Variants in CPED1 observed in about 807,000 individuals in gnomAD.
CPED1 encodes cadherin-like and PC-esterase domain-containing protein 1.
Under a neutral mutation model 128.2 loss-of-function variants are expected in CPED1, and 114 were observed. The ratio of observed to expected loss-of-function variants is 0.89; its 90% confidence interval spans 0.76 to 1.04. The LOEUF is 1.04. CPED1 is among the 50% of genes least tolerant of loss of function. CPED1 has a pLI of 0.00. For missense variants in CPED1, 1,211 were observed against 1,207.1 expected, an observed-to-expected ratio of 1.00 and a Z score of -0.05; for synonymous variants, 462 against 426.7, an observed-to-expected ratio of 1.08 and a Z score of -1.02.
chr7:121,159,737 T>C (rs185703483), intron 16 of CPED1, among the ~76,000 whole-genome samples: 1 of 152,268 alleles, frequency 6.6e-6, no homozygotes, highest in African/African-American at 2.4e-5. Context: ...TATATTACTC[T>C]TGTCTCTCTC....
chr7:121,153,073 C>T (rs1584551784), intron 16 of CPED1, among the ~76,000 whole-genome samples: 1 of 152,102 alleles, frequency 6.6e-6, no homozygotes, highest in Admixed American at 6.5e-5. Context: ...TCAAAGATTC[C>T]ATTTGGTAGA....
intron 4 of CPED1, chr7:121,050,460 G>GTT (rs34017549): frequency 0.69 from 74,894 of 108,406 alleles, 27,102 homozygotes; most frequent in Admixed American, 0.78. Flanking sequence ...GGCAATATAG[G>GTT]TTTTTTTTTT....
intron 18 of CPED1, among the ~76,000 whole-genome samples, chr7:121,265,104 G>A (rs1478840371): frequency 1.3e-5 from 2 of 152,002 alleles, no homozygotes; most frequent in Non-Finnish European, 2.9e-5. Context: ...AGGGTGACAA[G>A]TGGGGTTGCA....
At chr7:121,203,045 C>A (rs1463659520) in intron 16 of CPED1, among the ~76,000 whole-genome samples, 1 of 152,040 alleles carries the variant, frequency 6.6e-6, no homozygotes, top group Non-Finnish European at 1.5e-5. Flanking sequence ...GACTCGCAGC[C>A]CATGATAAAT....
chr7:121,212,303 T>A (rs1037228078), intron 16 of CPED1, among the ~76,000 whole-genome samples: 1 of 151,992 alleles, frequency 6.6e-6, no homozygotes, highest in African/African-American at 2.4e-5. Context: ...CATTCACAGC[T>A]GGGAAGAAAA....
At chr7:121,100,333 T>G (rs1353742759) in intron 7 of CPED1, among the ~76,000 whole-genome samples, 1 of 152,218 alleles carries the variant, frequency 6.6e-6, no homozygotes, top group African/African-American at 2.4e-5. Flanking sequence ...TTCATCATGA[T>G]AGTTCAATTC....
intron 17 of CPED1, among the ~76,000 whole-genome samples, chr7:121,238,851 A>G (rs1048480888): frequency 5.9e-5 from 9 of 151,946 alleles, no homozygotes; most frequent in Non-Finnish European, 1.3e-4. Context: ...GCTTCTCTAG[A>G]GAAGAGATTG....
chr7:121,063,611 G>C (rs1793743838), intron 4 of CPED1, among the ~76,000 whole-genome samples: 1 of 152,172 alleles, frequency 6.6e-6, no homozygotes. Context: ...ATACTGATCT[G>C]TTGGTTTTAA....
At chr7:121,131,098 C>G (rs1036878481) in intron 12 of CPED1, among the ~76,000 whole-genome samples, 1 of 152,112 alleles carries the variant, frequency 6.6e-6, no homozygotes, top group South Asian at 2.1e-4. Flanking sequence ...TCATTTAAGT[C>G]TTTTGCAGTC....
At chr7:121,119,133 A>G (rs1167091513) in intron 7 of CPED1, among the ~76,000 whole-genome samples, 2 of 135,984 alleles carry the variant, frequency 1.5e-5, no homozygotes, top group African/African-American at 2.6e-5. Context: ...TATTTGGAAG[A>G]ACTTTTTTTT....
intron 17 of CPED1, among the ~76,000 whole-genome samples, chr7:121,241,674 T>C (rs1252111541): frequency 2.6e-5 from 4 of 152,156 alleles, no homozygotes; most frequent in African/African-American, 7.2e-5. Flanking sequence ...CCTAAAGGCC[T>C]GTTCACATAT....
At chr7:121,093,355 G>A (rs1345500142) in intron 5 of CPED1, among the ~76,000 whole-genome samples, 1 of 149,670 alleles carries the variant, frequency 6.7e-6, no homozygotes, top group African/African-American at 2.5e-5. Context: ...ACATCTAAAT[G>A]CTCTTATTTG....
At chr7:121,058,456 T>C (rs918932113) in intron 4 of CPED1, among the ~76,000 whole-genome samples, 3 of 152,124 alleles carry the variant, frequency 2.0e-5, no homozygotes, top group Non-Finnish European at 4.4e-5. Flanking sequence ...AAATGACAAA[T>C]AATAATAGCT....
chr7:121,050,608 C>T (rs1159669575), intron 4 of CPED1, among the ~76,000 whole-genome samples: 5 of 151,994 alleles, frequency 3.3e-5, no homozygotes, highest in South Asian at 4.2e-4. Flanking sequence ...GGATTACAGG[C>T]GTCTGCCACC....
chr7:121,292,866 AT>A (rs1792737571), intron 22 of CPED1, among the ~76,000 whole-genome samples: 1 of 152,122 alleles, frequency 6.6e-6, no homozygotes, highest in Non-Finnish European at 1.5e-5. Flanking sequence ...AACAGCAAAG[AT>A]TGCTGCCTGC....
chr7:121,165,277 T>C (rs1796498388), intron 16 of CPED1, among the ~76,000 whole-genome samples: 1 of 152,198 alleles, frequency 6.6e-6, no homozygotes, highest in Non-Finnish European at 1.5e-5. Flanking sequence ...ATCCAGTAAG[T>C]GTTTTTTCTT....
At chr7:121,160,954 G>C (rs1418111663) in intron 16 of CPED1, among the ~76,000 whole-genome samples, 2 of 152,030 alleles carry the variant, frequency 1.3e-5, no homozygotes, top group South Asian at 2.1e-4. Flanking sequence ...AGGTCAACAG[G>C]GATGACCCCC....
chr7:121,294,887 G>T (rs1792791706), intron 22 of CPED1, among the ~76,000 whole-genome samples: 1 of 151,568 alleles, frequency 6.6e-6, no homozygotes, highest in Non-Finnish European at 1.5e-5. Flanking sequence ...TAGTGCATAG[G>T]CAGCTCCCCA....
intron 16 of CPED1, among the ~76,000 whole-genome samples, chr7:121,213,327 A>G (rs752156266): frequency 1.4e-4 from 21 of 151,954 alleles, no homozygotes; most frequent in Non-Finnish European, 2.5e-4. Context: ...TTCCTCATCT[A>G]TTGAATAAGA....
Sources: allele counts gnomAD v4.1 joint callset (sites outside exome capture counted in the v4.1 genomes callset), GRCh38; gene constraint gnomAD v4.1.1; transcripts MANE v1.5; gene names NCBI Gene and HGNC (gene_info 2026-07-23, HGNC 2026-07-21).